Variants in JAM3 observed in about 807,000 individuals in gnomAD.
The protein encoded by JAM3 is junctional adhesion molecule C.
Under a neutral mutation model 39.4 loss-of-function variants are expected in JAM3, and 31 were observed. The ratio of observed to expected loss-of-function variants is 0.79; its 90% CI spans 0.59 to 1.06. JAM3 has a LOEUF of 1.06. Ranked by LOEUF, JAM3 falls within the 50% of genes least tolerant of loss-of-function variation. The probability of loss-of-function intolerance (pLI) is 0.00; values close to 1 mark genes in which losing one functional copy is unlikely to be tolerated. For synonymous variants in JAM3, 182 were observed against 148.7 expected (o/e 1.22, Z -1.63); for missense variants, 455 against 391.4 (o/e 1.16, Z -1.37).
chr11:134,124,177 C>T (rs1464277676), intron 1 of JAM3: 4 of 1,462,578 alleles, frequency 2.7e-6, no homozygotes, highest in Admixed American at 3.4e-5. Flanking sequence ...GGAGCTTTAT[C>T]ATACGTAGCA....
intron 1 of JAM3, among the ~76,000 whole-genome samples, chr11:134,086,961 T>C (rs1941754970): frequency 6.6e-6 from 1 of 152,096 alleles, no homozygotes; most frequent in Admixed American, 6.6e-5. Context: ...TGTACCACCA[T>C]GCCCAGCTAA....
chr11:134,108,559 C>T (rs470961), intron 1 of JAM3, among the ~76,000 whole-genome samples: 60,101 of 151,984 alleles, frequency 0.4, 12,924 homozygotes, highest in African/African-American at 0.58. Context: ...ATAAAAAAGA[C>T]CAAGTTCTGG....
chr11:134,082,323 T>C (rs768438319), intron 1 of JAM3, among the ~76,000 whole-genome samples: 40 of 152,184 alleles, frequency 2.6e-4, no homozygotes, highest in Non-Finnish European at 4.0e-4. Context: ...AGCTAAACTT[T>C]TGGGGGACTG....
At chr11:134,069,874 TATCA>T (rs1941460766) in intron 1 of JAM3, among the ~76,000 whole-genome samples, 1 of 152,176 alleles carries the variant, frequency 6.6e-6, no homozygotes, top group Non-Finnish European at 1.5e-5. Context: ...ATAAAATGGA[TATCA>T]ATCCAGTACC....
intron 1 of JAM3, among the ~76,000 whole-genome samples, chr11:134,119,422 T>G (rs1027351701): frequency 3.9e-5 from 6 of 152,214 alleles, no homozygotes; most frequent in Non-Finnish European, 4.4e-5. Flanking sequence ...GTGAAATGAC[T>G]TAAGATTTTT....
chr11:134,081,314 T>C (rs974078703), intron 1 of JAM3, among the ~76,000 whole-genome samples: 4 of 152,226 alleles, frequency 2.6e-5, no homozygotes, highest in African/African-American at 9.6e-5. Context: ...GGGGAAAATG[T>C]CTTCAGGGCA....
At chr11:134,099,384 C>A (rs563558277) in intron 1 of JAM3, among the ~76,000 whole-genome samples, 5 of 152,018 alleles carry the variant, frequency 3.3e-5, no homozygotes, top group Non-Finnish European at 5.9e-5. Flanking sequence ...GCTTCATTTT[C>A]TTTTTCTCTC....
intron 1 of JAM3, among the ~76,000 whole-genome samples, chr11:134,124,718 TAAAA>T (rs879043468): frequency 9.4e-5 from 14 of 148,606 alleles, no homozygotes; most frequent in South Asian, 6.4e-4. Flanking sequence ...TGCTTGCAAT[TAAAA>T]AAAAAAGCCA....
At chr11:134,131,884 A>G (rs1942776021) in intron 1 of JAM3, among the ~76,000 whole-genome samples, 1 of 152,212 alleles carries the variant, frequency 6.6e-6, no homozygotes, top group Admixed American at 6.5e-5. Context: ...ACGATTAATT[A>G]TCAAGTTTGA....
Position 134,151,318 on chromosome 11 carries a change from A to AT in JAM3, c.*2138dup, listed in dbSNP as rs1436213216. ...CTCAGTGCTCCCTGGTGTCTGCTGCATGGCATCCTGGATGCTTAGCATGCA... is the reference window on the plus strand; with the variant it reads ...CTCAGTGCTCCCTGGTGTCTGCTGCATTGGCATCCTGGATGCTTAGCATGCA... On this transcript the variant is annotated 3_prime_UTR_variant, in exon 9 of 9. Transcript: ENST00000299106. 13 of 152,206 alleles carry AT rather than the reference A, an allele frequency of 8.5e-5. No individual in the cohort carries two copies. The highest frequency in any genetic ancestry group is 3.1e-4 in the African/African-American group (13 of 41,434). 9.4% of individuals were successfully genotyped at this position (152,206 alleles called of 1,614,324 possible).
intron 1 of JAM3, among the ~76,000 whole-genome samples, chr11:134,085,945 A>G (rs1038546238): frequency 2.0e-5 from 3 of 152,184 alleles, no homozygotes; most frequent in Non-Finnish European, 2.9e-5. Flanking sequence ...ATGAGAAGCC[A>G]TGGATGAGTT....
In JAM3 at chr11:134,119,268, TAGAA is replaced by T. The variant is rs533742304; in HGVS notation, c.77-20577_77-20574del. The stretch of plus-strand genomic sequence containing the variant: ...TGGGTTTGGAAATGATAGAATCAAA[TAGAA>T]AGAAAAGATTGTACACTCAAAGAAA... On this transcript the variant is annotated intron_variant, in intron 1 of 8. Coordinates refer to ENST00000299106, the MANE Select transcript of JAM3 (RefSeq NM_032801.5). Among the ~76,000 whole-genome samples the T allele has an allele frequency of 1.1e-3, 162 of 152,216 alleles. 1 individual carries two copies. Among genetic ancestry groups the T allele is most frequent in the African/African-American group, 3.0e-3 (126 of 41,534 alleles).
chr11:134,083,843 A>G (rs1941705011), intron 1 of JAM3, among the ~76,000 whole-genome samples: 2 of 152,184 alleles, frequency 1.3e-5, no homozygotes, highest in Non-Finnish European at 2.9e-5. Context: ...CCTTACCATC[A>G]TGGCAGAAAT....
In JAM3 at chr11:134,134,161, C is replaced by T. The variant is rs145974129; in HGVS notation, c.77-5690C>T. On this transcript the variant is annotated intron_variant, in intron 1 of 8. Coordinates refer to ENST00000299106, the MANE Select transcript of JAM3 (RefSeq NM_032801.5). ...CTCAACCTCTGAGCTTGAGGATATGCCAACAGAAACATCCAAAACTGAAGG... is the reference window on the plus strand; with the variant it reads ...CTCAACCTCTGAGCTTGAGGATATGTCAACAGAAACATCCAAAACTGAAGG... 6.6e-5 allele frequency among the ~76,000 whole-genome samples: 10 copies of T among 151,742 alleles called. No individual in the cohort carries two copies. In the East Asian group the frequency reaches 1.6e-3, roughly 24 times the overall value.
intron 1 of JAM3, among the ~76,000 whole-genome samples, chr11:134,081,865 G>A (rs1004838093): frequency 6.6e-6 from 1 of 152,262 alleles, no homozygotes; most frequent in Non-Finnish European, 1.5e-5. Flanking sequence ...GCCCGTGAGA[G>A]CAGCGGGGAG....
At chr11:134,123,136 A>G (rs1168846366) in intron 1 of JAM3, among the ~76,000 whole-genome samples, 1 of 152,242 alleles carries the variant, frequency 6.6e-6, no homozygotes, top group Non-Finnish European at 1.5e-5. Flanking sequence ...AGCTAACATG[A>G]ACACCCTTTC....
chr11:134,107,384 T>A (rs1942212833), intron 1 of JAM3, among the ~76,000 whole-genome samples: 1 of 152,096 alleles, frequency 6.6e-6, no homozygotes, highest in South Asian at 2.1e-4. Flanking sequence ...CTAATGTAAA[T>A]GACGAGTTAA....
At chr11:134,106,514 C>A (rs1942190953) in intron 1 of JAM3, among the ~76,000 whole-genome samples, 2 of 152,112 alleles carry the variant, frequency 1.3e-5, no homozygotes, top group South Asian at 2.1e-4. Context: ...AATTAAAGAG[C>A]TTCTGCACAG....
At chr11:134,130,354 C>T (rs1013662067) in intron 1 of JAM3, among the ~76,000 whole-genome samples, 3 of 152,036 alleles carry the variant, frequency 2.0e-5, no homozygotes, top group Non-Finnish European at 4.4e-5. Context: ...TGTCTTTTTC[C>T]CCTACTTAAA....
Sources: gnomAD v4.1 joint callset for allele counts (sites outside exome capture counted in the v4.1 genomes callset) on GRCh38, gnomAD v4.1.1 for gene constraint, MANE v1.5 for transcripts, NCBI Gene and HGNC (gene_info 2026-07-23, HGNC 2026-07-21) for gene names.